ARHGEF28: variants seen among roughly 807,000 people sequenced by gnomAD.
ARHGEF28 encodes the protein Rho guanine nucleotide exchange factor 28, also known as 190 kDa guanine nucleotide exchange factor.
Under a neutral mutation model 206.6 loss-of-function variants are expected in ARHGEF28, and 152 were observed. That is an observed-to-expected ratio of 0.74 (90% confidence interval 0.64 to 0.84). The LOEUF is 0.84. Ranked by LOEUF, ARHGEF28 falls within the 40% of genes least tolerant of loss-of-function variation. The pLI is 0.00. For synonymous variants in ARHGEF28, 763 were observed against 776.4 expected (o/e 0.98, Z 0.29); for missense variants, 2,028 against 2,073.2 (o/e 0.98, Z 0.42).
chr5:73,767,823 AG>A (rs1752985789), intron 4 of ARHGEF28, among the ~76,000 whole-genome samples: 1 of 152,336 alleles, frequency 6.6e-6, no homozygotes, highest in East Asian at 1.9e-4. Context: ...AAATGTCTCC[AG>A]GGCATGTCAG....
chr5:73,881,012 A>G (rs1389758179), intron 22 of ARHGEF28, among the ~76,000 whole-genome samples: 3 of 148,176 alleles, frequency 2.0e-5, no homozygotes, highest in East Asian at 2.0e-4. Context: ...TGTGCAGGTT[A>G]TGAGACTTAG....
intron 14 of ARHGEF28, among the ~76,000 whole-genome samples, chr5:73,855,889 A>T (rs1758999731): frequency 6.6e-6 from 1 of 152,094 alleles, no homozygotes; most frequent in Non-Finnish European, 1.5e-5. Flanking sequence ...ACCAATAATT[A>T]ATTTTCTTTT....
chr5:73,736,296 G>C (rs1330251094), intron 2 of ARHGEF28, among the ~76,000 whole-genome samples: 1 of 152,176 alleles, frequency 6.6e-6, no homozygotes, highest in Non-Finnish European at 1.5e-5. Context: ...AGGCTTTGCT[G>C]TGGGGGACGC....
chr5:73,803,403 C>G (rs1391037972), intron 9 of ARHGEF28: 2 of 154,202 alleles, frequency 1.3e-5, no homozygotes, highest in East Asian at 3.8e-4. Context: ...CTTGCTGGTG[C>G]TCTGGGCCAG....
chr5:73,864,726 T>A lies in ARHGEF28; in HGVS notation c.2048-91T>A, dbSNP rs897603579. 23 of 1,116,448 alleles carry A rather than the reference T, an allele frequency of 2.1e-5. No individual in the cohort carries two copies. The African/African-American group carries it at 2.5e-4, about 12-fold the overall frequency. The allele number at this position is 1,116,448 out of a possible 1,614,324, so 69.2% of individuals were successfully genotyped here. A position where few individuals can be genotyped will look rare whatever the true frequency, so the allele number is the denominator to read the frequency against. On this transcript the variant is annotated intron_variant, in intron 16 of 35. Coordinates refer to ENST00000513042, the MANE Select transcript of ARHGEF28 (RefSeq NM_001177693.2). ...TATTTGTAATGTTTATGTGTTTTTT[T>A]ATAATGACCAGTGAAAGCATGATGT...
At chr5:73,880,543 C>T (rs1484427983) in intron 22 of ARHGEF28, among the ~76,000 whole-genome samples, 3 of 152,190 alleles carry the variant, frequency 2.0e-5, no homozygotes, top group Admixed American at 6.5e-5. Flanking sequence ...AGCTGTAGAC[C>T]GGAGCTGTTC....
At chr5:73,643,222 A>T (rs1744231211) in intron 1 of ARHGEF28, among the ~76,000 whole-genome samples, 1 of 152,268 alleles carries the variant, frequency 6.6e-6, no homozygotes, top group South Asian at 2.1e-4. Flanking sequence ...CTGTGTGACC[A>T]CTTGGAGTTT....
intron 9 of ARHGEF28, among the ~76,000 whole-genome samples, chr5:73,827,728 A>G (rs1487762069): frequency 6.6e-6 from 1 of 152,220 alleles, no homozygotes; most frequent in Non-Finnish European, 1.5e-5. Context: ...GGCTACTTTT[A>G]TATTGTCTTT....
intron 9 of ARHGEF28, among the ~76,000 whole-genome samples, chr5:73,825,924 A>T (rs1756879934): frequency 6.6e-6 from 1 of 152,022 alleles, no homozygotes; most frequent in Admixed American, 6.6e-5. Flanking sequence ...TCTGGACTGG[A>T]GTTGAAAATG....
At chr5:73,809,234 T>A (rs1271025029) in intron 9 of ARHGEF28, among the ~76,000 whole-genome samples, 1 of 151,204 alleles carries the variant, frequency 6.6e-6, no homozygotes, top group Non-Finnish European at 1.5e-5. Flanking sequence ...AAAAACTGTT[T>A]CAGTGTCTAT....
intron 31 of ARHGEF28, 137 bp from the exon 32 acceptor site, chr5:73,904,085 C>A: frequency 1.3e-6 from 1 of 766,524 alleles, no homozygotes; most frequent in Non-Finnish European, 2.1e-6. Flanking sequence ...TGGGAGGAAA[C>A]TGAGTCAGTA....
intron 35 of ARHGEF28, among the ~76,000 whole-genome samples, chr5:73,916,306 T>C (rs576281138): frequency 8.5e-5 from 13 of 152,284 alleles, no homozygotes; most frequent in Non-Finnish European, 1.6e-4. Flanking sequence ...TCCTGGAAAT[T>C]GAAACTGGTA....
chr5:73,802,870 C>CTCTGTGTGTGTGTGTG (rs780935234), intron 9 of ARHGEF28, among the ~76,000 whole-genome samples: 4 of 122,226 alleles, frequency 3.3e-5, no homozygotes, highest in African/African-American at 1.3e-4. Context: ...AGCTCGATTG[C>CTCTGTGTGTGTGTGTG]TGTGTGTGTG....
chr5:73,736,525 A>G (rs1750947151), intron 2 of ARHGEF28, among the ~76,000 whole-genome samples: 1 of 152,224 alleles, frequency 6.6e-6, no homozygotes, highest in Non-Finnish European at 1.5e-5. Context: ...TACTTGGTAC[A>G]TTCAAATGCA....
intron 9 of ARHGEF28, among the ~76,000 whole-genome samples, chr5:73,818,581 G>A (rs2112533282): frequency 6.6e-6 from 1 of 152,162 alleles, no homozygotes; most frequent in Non-Finnish European, 1.5e-5. Context: ...GATTTCTTTG[G>A]CTCTCAATGA....
intron 29 of ARHGEF28, among the ~76,000 whole-genome samples, chr5:73,897,739 G>A (rs1762036814): frequency 2.6e-5 from 4 of 152,228 alleles, no homozygotes; most frequent in Admixed American, 2.6e-4. Flanking sequence ...AGTATTTTGG[G>A]TTTTGTAAAT....
At chr5:73,694,686 A>G (rs1384731550) in intron 2 of ARHGEF28, among the ~76,000 whole-genome samples, 1 of 152,204 alleles carries the variant, frequency 6.6e-6, no homozygotes, top group Non-Finnish European at 1.5e-5. Flanking sequence ...GAGGGTGTGC[A>G]TGTTTTAAAT....
rs1742637842 is a variant in ARHGEF28, at chr5:73,941,699, A to G, written c.*686A>G. 1 of 152,206 alleles carries G rather than the reference A, an allele frequency of 6.6e-6. No homozygotes were observed. The highest frequency in any genetic ancestry group is 6.6e-5 in the Admixed American group (1 of 15,266). 9.4% of individuals were successfully genotyped at this position (152,206 alleles called of 1,614,324 possible). ...CCCCCATCAAGTCATTTTGATGTAA[A>G]TAGTGAACTTTGTTAGAGCCCTCAC... On this transcript the variant is annotated 3_prime_UTR_variant, in exon 36 of 36. Coordinates refer to ENST00000513042, the MANE Select transcript of ARHGEF28 (RefSeq NM_001177693.2).
chr5:73,852,380 G>T (rs1215439164), intron 13 of ARHGEF28, among the ~76,000 whole-genome samples: 1 of 152,100 alleles, frequency 6.6e-6, no homozygotes, highest in East Asian at 1.9e-4. Context: ...GAAAATGTTT[G>T]CTGTCCCTTG....
Sources: gnomAD v4.1 joint callset for allele counts (sites outside exome capture counted in the v4.1 genomes callset) on GRCh38, gnomAD v4.1.1 for gene constraint, MANE v1.5 for transcripts, NCBI Gene and HGNC (gene_info 2026-07-23, HGNC 2026-07-21) for gene names.